The following NAALADL2 variants were observed in gnomAD, a reference collection of about 807,000 sequenced individuals.
NAALADL2 encodes inactive N-acetylated-alpha-linked acidic dipeptidase-like protein 2.
Under a neutral mutation model 87.2 loss-of-function variants are expected in NAALADL2, and 76 were observed. The observed-to-expected ratio is 0.87, with a 90% confidence interval of 0.72 to 1.05. The LOEUF (loss-of-function observed/expected upper bound fraction) is 1.05, where lower values mean the gene tolerates loss of function less well. NAALADL2 is among the 50% of genes least tolerant of loss of function. The probability of loss-of-function intolerance (pLI) is 0.00; values close to 1 mark genes in which losing one functional copy is unlikely to be tolerated. For missense variants in NAALADL2, 1,089 were observed against 945.8 expected (o/e 1.15, Z -1.99); for synonymous variants, 354 against 331.0 (o/e 1.07, Z -0.75).
chr3:175,653,480 A>G (rs763780253), intron 11 of NAALADL2, among the ~76,000 whole-genome samples: 28 of 152,212 alleles, frequency 1.8e-4, no homozygotes, highest in Non-Finnish European at 3.8e-4. Flanking sequence ...GCTGATTTCC[A>G]TCAAGTCTTC....
At chr3:175,526,480 TAAATG>T (rs764447290) in intron 9 of NAALADL2, among the ~76,000 whole-genome samples, 12 of 152,232 alleles carry the variant, frequency 7.9e-5, no homozygotes, top group Non-Finnish European at 1.6e-4. Flanking sequence ...AGCTAAAATT[TAAATG>T]AAATGAAACT....
intron 11 of NAALADL2, among the ~76,000 whole-genome samples, chr3:175,668,522 G>A (rs936383808): frequency 6.6e-5 from 10 of 152,056 alleles, no homozygotes; most frequent in African/African-American, 2.4e-4. Context: ...ACCACAGAAT[G>A]AGTAACAGCA....
At chr3:174,727,778 T>G (rs1482581359) in intron 2 of NAALADL2, among the ~76,000 whole-genome samples, 2 of 152,108 alleles carry the variant, frequency 1.3e-5, no homozygotes, top group African/African-American at 2.4e-5. Flanking sequence ...TGTTGTATAT[T>G]TGATGAGTTT....
At chr3:175,244,022 G>C (rs1375524344) in intron 3 of NAALADL2, among the ~76,000 whole-genome samples, 1 of 152,074 alleles carries the variant, frequency 6.6e-6, no homozygotes, top group Non-Finnish European at 1.5e-5. Flanking sequence ...CAAGCCCTCT[G>C]CCTGGACTTT....
chr3:174,753,112 C>CT (rs909891054), intron 3 of NAALADL2, among the ~76,000 whole-genome samples: 10 of 151,210 alleles, frequency 6.6e-5, no homozygotes, highest in African/African-American at 2.2e-4. Context: ...TTCTTTCTTT[C>CT]TTTTTTTTTG....
chr3:175,438,068 G>T (rs1319810172), intron 5 of NAALADL2, among the ~76,000 whole-genome samples: 1 of 151,964 alleles, frequency 6.6e-6, no homozygotes, highest in East Asian at 1.9e-4. Flanking sequence ...TGAATTTTAG[G>T]CTTACAATTA....
At chr3:175,726,515 G>A (rs546457550) in intron 11 of NAALADL2, among the ~76,000 whole-genome samples, 1 of 152,068 alleles carries the variant, frequency 6.6e-6, no homozygotes, top group African/African-American at 2.4e-5. Context: ...AGATCCTGAG[G>A]TACCTATTTT....
At chr3:175,591,185 G>C (rs1440200105) in intron 10 of NAALADL2, among the ~76,000 whole-genome samples, 2 of 152,080 alleles carry the variant, frequency 1.3e-5, no homozygotes, top group Non-Finnish European at 2.9e-5. Context: ...GAATATAAAT[G>C]CTATTTATGA....
intron 9 of NAALADL2, among the ~76,000 whole-genome samples, chr3:175,519,653 C>CA (rs2149414484): frequency 6.6e-6 from 1 of 152,074 alleles, no homozygotes; most frequent in Non-Finnish European, 1.5e-5. Context: ...TGATGAAATC[C>CA]AAATGGTTAG....
chr3:175,447,212 T>C lies in NAALADL2; in HGVS notation c.1091-17T>C. 6.5e-7 allele frequency: 1 copy of C among 1,546,238 alleles called. No individual in the cohort carries two copies. The highest frequency in any genetic ancestry group is 2.3e-5 in the East Asian group (1 of 44,216). ...TCTGTTTACTAAGGATTATCTTCCT[T>C]TGTCTTTTGAATACAGATGAAAGTT... is the stretch of plus-strand genomic sequence containing the variant. On this transcript the variant is annotated splice_polypyrimidine_tract_variant and intron_variant, in intron 5 of 13. Coordinates refer to ENST00000454872, the MANE Select transcript of NAALADL2 (RefSeq NM_207015.3).
intron 3 of NAALADL2, among the ~76,000 whole-genome samples, chr3:174,839,109 G>A (rs1457094320): frequency 6.6e-6 from 1 of 152,160 alleles, no homozygotes; most frequent in Non-Finnish European, 1.5e-5. Context: ...TAAGGCCATT[G>A]TCACCAAAAC....
chr3:175,767,362 T>C (rs1008334963), intron 13 of NAALADL2, among the ~76,000 whole-genome samples: 1 of 152,182 alleles, frequency 6.6e-6, no homozygotes, highest in African/African-American at 2.4e-5. Flanking sequence ...GCAATTGATA[T>C]AATCCTTAAA....
chr3:174,731,996 T>C (rs1732746972), intron 2 of NAALADL2, among the ~76,000 whole-genome samples: 1 of 152,258 alleles, frequency 6.6e-6, no homozygotes, highest in African/African-American at 2.4e-5. Context: ...CATAAATGAA[T>C]GGGTGTGGTT....
At chr3:175,526,904 G>C (rs1733498524) in intron 9 of NAALADL2, among the ~76,000 whole-genome samples, 1 of 152,022 alleles carries the variant, frequency 6.6e-6, no homozygotes, top group Non-Finnish European at 1.5e-5. Context: ...TTTTTTATTA[G>C]CATAAAAAAA....
intron 1 of NAALADL2, among the ~76,000 whole-genome samples, chr3:175,050,322 G>A (rs938941541): frequency 6.6e-6 from 1 of 151,308 alleles, no homozygotes; most frequent in East Asian, 1.9e-4. Context: ...GAGTGCAGTG[G>A]CGTGATCTCA....
chr3:175,737,029 A>G (rs961526271), intron 11 of NAALADL2, among the ~76,000 whole-genome samples: 1 of 152,198 alleles, frequency 6.6e-6, no homozygotes, highest in African/African-American at 2.4e-5. Context: ...AACTCTTTCA[A>G]TTAGGGAAGG....
chr3:174,636,763 T>C (rs1722690007), intron 2 of NAALADL2, among the ~76,000 whole-genome samples: 1 of 151,616 alleles, frequency 6.6e-6, no homozygotes, highest in Non-Finnish European at 1.5e-5. Context: ...GTCAAAAAAA[T>C]AAAAAAAACT....
At chr3:175,302,872 AT>A (rs1205713108) in intron 4 of NAALADL2, among the ~76,000 whole-genome samples, 1 of 151,292 alleles carries the variant, frequency 6.6e-6, no homozygotes, top group Non-Finnish European at 1.5e-5. Flanking sequence ...GTGTGTGTAT[AT>A]TTTTTCATAA....
At chr3:175,105,537 TATTTATATATAG>T (rs1722958201) in intron 2 of NAALADL2, among the ~76,000 whole-genome samples, 1 of 143,038 alleles carries the variant, frequency 7.0e-6, no homozygotes, top group Admixed American at 7.2e-5. Context: ...TACATTCATA[TATTTATATATAG>T]ATTTATATAT....
Sources: allele counts gnomAD v4.1 joint callset (sites outside exome capture counted in the v4.1 genomes callset), GRCh38; gene constraint gnomAD v4.1.1; transcripts MANE v1.5; gene names NCBI Gene and HGNC (gene_info 2026-07-23, HGNC 2026-07-21).